Variants in PKIB observed in about 807,000 individuals in gnomAD.
The protein encoded by PKIB is PKI-beta.
PKIB carries 2 observed loss-of-function variants against 4.5 expected under a neutral mutation model. The observed-to-expected ratio is 0.44, with a 90% CI of 0.18 to 1.39. The LOEUF is 1.39. Among genes scored for constraint, PKIB ranks in the 40% most tolerant of loss-of-function variants. The probability of loss-of-function intolerance (pLI) is 0.27; values close to 1 mark genes in which losing one functional copy is unlikely to be tolerated. For missense variants in PKIB, 94 were observed against 92.6 expected (o/e 1.02, Z -0.06); for synonymous variants, 38 against 36.0 (o/e 1.06, Z -0.20).
chr6:122,511,507 C>T (rs1231310172), intron 2 of PKIB, among the ~76,000 whole-genome samples: 2 of 152,176 alleles, frequency 1.3e-5, no homozygotes, highest in African/African-American at 4.8e-5. Flanking sequence ...TTGAGCGTTT[C>T]TTCACTGGAT....
chr6:122,507,220 A>G (rs1328464952), intron 2 of PKIB, among the ~76,000 whole-genome samples: 2 of 152,130 alleles, frequency 1.3e-5, no homozygotes, highest in African/African-American at 2.4e-5. Context: ...AGTTGGCCCT[A>G]TGTAAAGAGG....
intron 2 of PKIB, among the ~76,000 whole-genome samples, chr6:122,636,880 A>G (rs1330958653): frequency 2.0e-5 from 3 of 152,222 alleles, no homozygotes; most frequent in Non-Finnish European, 4.4e-5. Context: ...AAGCCAAATC[A>G]GTTTGAGAAT....
chr6:122,684,957 G>A lies in PKIB; in HGVS notation c.-9+9813G>A, dbSNP rs75903988. ...GAGTCTCTTATGTAAAATGTACATTGCAATCTTAAAAATTAGTCTATTGAA... is the reference window on the plus strand; with the variant it reads ...GAGTCTCTTATGTAAAATGTACATTACAATCTTAAAAATTAGTCTATTGAA... On this transcript the variant is annotated intron_variant, in intron 3 of 4. Transcript: ENST00000368452. 3.5e-4 allele frequency among the ~76,000 whole-genome samples: 54 copies of A among 152,242 alleles called. No homozygotes were observed. In the East Asian group the frequency reaches 0.01, roughly 29 times the overall value.
At chr6:122,706,438 G>A (rs551997221) in intron 3 of PKIB, among the ~76,000 whole-genome samples, 1 of 152,210 alleles carries the variant, frequency 6.6e-6, no homozygotes, top group South Asian at 2.1e-4. Flanking sequence ...ATTTGCCACT[G>A]TTTCCCCAGA....
At chr6:122,715,020 C>T (rs1033894579) in intron 3 of PKIB, among the ~76,000 whole-genome samples, 1 of 151,564 alleles carries the variant, frequency 6.6e-6, no homozygotes, top group Non-Finnish European at 1.5e-5. Context: ...CTTCTGGCCT[C>T]ATGATCTGCT....
intron 3 of PKIB, among the ~76,000 whole-genome samples, chr6:122,697,610 A>C (rs991687170): frequency 1.3e-5 from 2 of 152,074 alleles, no homozygotes; most frequent in African/African-American, 4.8e-5. Context: ...GAGACTAACC[A>C]ATGCTTGTGG....
chr6:122,691,787 G>T (rs572887775), intron 3 of PKIB, among the ~76,000 whole-genome samples: 1 of 152,056 alleles, frequency 6.6e-6, no homozygotes, highest in Admixed American at 6.5e-5. Context: ...GAAGAGTTAG[G>T]TATTTACTGT....
upstream of PKIB, among the ~76,000 whole-genome samples, chr6:122,609,686 A>G (rs548422929): frequency 6.6e-6 from 1 of 152,238 alleles, no homozygotes; most frequent in Admixed American, 6.5e-5. Context: ...CAGGAAGCAG[A>G]TAAATTAATT....
intron 2 of PKIB, among the ~76,000 whole-genome samples, chr6:122,660,989 T>A (rs1474608412): frequency 6.6e-6 from 1 of 152,174 alleles, no homozygotes; most frequent in Non-Finnish European, 1.5e-5. Context: ...AAAATATACA[T>A]GATTTGTTAA....
intron 2 of PKIB, among the ~76,000 whole-genome samples, chr6:122,654,177 A>G (rs1776680712): frequency 6.6e-6 from 1 of 152,200 alleles, no homozygotes; most frequent in Non-Finnish European, 1.5e-5. Context: ...TCTGTCAATA[A>G]GATGAAGTGT....
At chr6:122,635,598 A>G (rs1775889129) in intron 2 of PKIB, among the ~76,000 whole-genome samples, 1 of 151,796 alleles carries the variant, frequency 6.6e-6, no homozygotes, top group Non-Finnish European at 1.5e-5. Flanking sequence ...AATCATAAAA[A>G]TTCATTGAAA....
intron 1 of PKIB, among the ~76,000 whole-genome samples, chr6:122,623,127 G>A (rs1775306029): frequency 6.6e-6 from 1 of 152,160 alleles, no homozygotes; most frequent in Non-Finnish European, 1.5e-5. Flanking sequence ...CAGAGTATTT[G>A]ATTTAATATC....
chr6:122,705,615 G>T lies in PKIB; in HGVS notation c.-8-12172G>T, dbSNP rs577686927. Among the ~76,000 whole-genome samples, 196 of 140,902 alleles carry T rather than the reference G, an allele frequency of 1.4e-3. 1 individual carries two copies. Among genetic ancestry groups the T allele is most frequent in the African/African-American group, 4.7e-3 (180 of 38,096 alleles). The allele number at this position is 140,902 out of a possible 152,430, so 92.4% of individuals were successfully genotyped here. A position where few individuals can be genotyped will look rare whatever the true frequency, so the allele number is the denominator to read the frequency against. ...GGAGTCTTGCTCTGTGGCTACACTG[G>T]AGTGTAGTGGCGCAATTTCGACTCA... On this transcript the variant is annotated intron_variant, in intron 3 of 4. Transcript: ENST00000368452.
intron 3 of PKIB, among the ~76,000 whole-genome samples, chr6:122,704,623 G>T (rs1416868899): frequency 6.6e-6 from 1 of 151,996 alleles, no homozygotes; most frequent in Non-Finnish European, 1.5e-5. Context: ...CGGTATGATG[G>T]ATATACACAG....
chr6:122,510,561 G>A (rs1260057358), intron 2 of PKIB, among the ~76,000 whole-genome samples: 1 of 152,134 alleles, frequency 6.6e-6, no homozygotes, highest in Non-Finnish European at 1.5e-5. Context: ...ATGGGAGATG[G>A]GAGCTCGGGT....
At chr6:122,551,318 C>A (rs546719178) in intron 2 of PKIB, among the ~76,000 whole-genome samples, 1 of 151,932 alleles carries the variant, frequency 6.6e-6, no homozygotes, top group East Asian at 1.9e-4. Flanking sequence ...TTCTCTTTGT[C>A]TTTGCACTTT....
intron 2 of PKIB, among the ~76,000 whole-genome samples, chr6:122,492,800 T>C (rs974945203): frequency 4.0e-5 from 6 of 150,774 alleles, no homozygotes; most frequent in African/African-American, 1.5e-4. Context: ...ATTTTCTCAA[T>C]ATTCTTTACT....
chr6:122,516,059 T>A (rs1312604564), intron 2 of PKIB, among the ~76,000 whole-genome samples: 3 of 152,214 alleles, frequency 2.0e-5, no homozygotes, highest in Non-Finnish European at 4.4e-5. Context: ...GAAGTCAATG[T>A]CAGCTAAAAA....
chr6:122,667,513 G>T (rs539625787), intron 2 of PKIB, among the ~76,000 whole-genome samples: 1 of 126,130 alleles, frequency 7.9e-6, no homozygotes, highest in South Asian at 3.1e-4. Context: ...CTCCAGCCTG[G>T]GGGACAAAGC....
Sources: gnomAD v4.1 joint callset for allele counts (sites outside exome capture counted in the v4.1 genomes callset) on GRCh38, gnomAD v4.1.1 for gene constraint, MANE v1.5 for transcripts, NCBI Gene and HGNC (gene_info 2026-07-23, HGNC 2026-07-21) for gene names.